ELAVL2: variants seen among roughly 807,000 people sequenced by gnomAD.
ELAVL2 encodes the protein ELAV-like protein 2.
ELAVL2 carries 4 observed loss-of-function variants against 34.6 expected under a neutral mutation model. The ratio of observed to expected loss-of-function variants is 0.12; its 90% CI spans 0.06 to 0.26. The LOEUF is 0.26. Among genes scored for constraint, ELAVL2 ranks in the 10% least tolerant of loss-of-function variants. The pLI, the probability that ELAVL2 is intolerant of heterozygous loss-of-function variation, is 1.00. For synonymous variants in ELAVL2, 193 were observed against 154.8 expected (o/e 1.25, Z -1.83); for missense variants, 432 against 442.8 (o/e 0.98, Z 0.22).
intron 3 of ELAVL2, among the ~76,000 whole-genome samples, chr9:23,716,983 G>A (rs1039934868): frequency 1.3e-5 from 2 of 152,308 alleles, no homozygotes; most frequent in African/African-American, 4.8e-5. Context: ...CTAAATGTTG[G>A]TAAGTATTAT....
At chr9:23,812,827 A>C (rs941071963) in intron 1 of ELAVL2, among the ~76,000 whole-genome samples, 2 of 152,040 alleles carry the variant, frequency 1.3e-5, no homozygotes, top group Non-Finnish European at 2.9e-5. Flanking sequence ...ATTATTCTGA[A>C]GGGTTTTGCT....
intron 1 of ELAVL2, among the ~76,000 whole-genome samples, chr9:23,812,950 T>TAATG (rs1329949136): frequency 6.6e-6 from 1 of 152,088 alleles, no homozygotes; most frequent in African/African-American, 2.4e-5. Flanking sequence ...GAAGCTACAT[T>TAATG]AATGCTGGGT....
chr9:23,766,695 G>A (rs1399751376), intron 1 of ELAVL2, among the ~76,000 whole-genome samples: 2 of 151,932 alleles, frequency 1.3e-5, no homozygotes, highest in Non-Finnish European at 2.9e-5. Flanking sequence ...CTCCGCTTGA[G>A]GCAGACACAT....
intron 2 of ELAVL2, among the ~76,000 whole-genome samples, chr9:23,737,629 A>G (rs3793577): frequency 0.51 from 77,657 of 152,010 alleles, 20,014 homozygotes; most frequent in Non-Finnish European, 0.53. Flanking sequence ...TAAAATGCAG[A>G]GTGAATTCTG....
At chr9:23,745,310 G>C (rs1286363851) in intron 2 of ELAVL2, among the ~76,000 whole-genome samples, 1 of 152,130 alleles carries the variant, frequency 6.6e-6, no homozygotes, top group Non-Finnish European at 1.5e-5. Flanking sequence ...GCCAAATTAA[G>C]ATATTATACA....
intron 1 of ELAVL2, among the ~76,000 whole-genome samples, chr9:23,802,879 T>A (rs1376064099): frequency 2.0e-5 from 3 of 151,546 alleles, no homozygotes; most frequent in Non-Finnish European, 4.4e-5. Flanking sequence ...AAATATTTTT[T>A]AATATGTAAT....
chr9:23,810,929 TG>T, intron 1 of ELAVL2, among the ~76,000 whole-genome samples: 1 of 152,318 alleles, frequency 6.6e-6, no homozygotes, highest in Middle Eastern at 3.4e-3. Flanking sequence ...ATCTTCCTAA[TG>T]GTAAGTCAAC....
chr9:23,833,419 T>A, the ELAVL2 span, among the ~76,000 whole-genome samples: 17,865 of 151,814 alleles, frequency 0.12, 1,460 homozygotes, highest in East Asian at 0.36. Context: ...CTTAAACTGT[T>A]CTTTAATACA....
chr9:23,814,013 T>C (rs537180709), intron 1 of ELAVL2, among the ~76,000 whole-genome samples: 5 of 152,290 alleles, frequency 3.3e-5, no homozygotes, highest in South Asian at 4.1e-4. Flanking sequence ...GTGGACTCCA[T>C]TGTTGTTGCT....
intron 1 of ELAVL2, among the ~76,000 whole-genome samples, chr9:23,816,303 C>G (rs1398392584): frequency 2.4e-5 from 1 of 41,274 alleles, no homozygotes; most frequent in Non-Finnish European, 4.4e-5. Context: ...AAAGTGTGTA[C>G]TAAAAGCTTT....
intron 1 of ELAVL2, among the ~76,000 whole-genome samples, chr9:23,780,581 T>G (rs1212829078): frequency 1.3e-5 from 2 of 152,242 alleles, no homozygotes; most frequent in African/African-American, 4.8e-5. Context: ...TATGTTGGCT[T>G]ATACCAACAT....
intron 1 of ELAVL2, among the ~76,000 whole-genome samples, chr9:23,772,416 A>G (rs1456801272): frequency 1.3e-5 from 2 of 152,074 alleles, no homozygotes; most frequent in East Asian, 3.9e-4. Context: ...CAAATGTTAT[A>G]AAGGCCACAA....
chr9:23,832,025 A>T, the ELAVL2 span, among the ~76,000 whole-genome samples: 1 of 152,182 alleles, frequency 6.6e-6, no homozygotes, highest in Non-Finnish European at 1.5e-5. Context: ...ATTTAAACCA[A>T]TCTGGTATAA....
intron 4 of ELAVL2, among the ~76,000 whole-genome samples, chr9:23,703,979 C>A (rs1443608840): frequency 2.6e-5 from 4 of 152,034 alleles, no homozygotes; most frequent in Non-Finnish European, 5.9e-5. Context: ...ATTGCCCAGG[C>A]TGGAGTGCAA....
intron 3 of ELAVL2, among the ~76,000 whole-genome samples, chr9:23,717,339 G>C (rs955230816): frequency 6.6e-6 from 1 of 152,072 alleles, no homozygotes; most frequent in Non-Finnish European, 1.5e-5. Context: ...ATGTTTCTAC[G>C]AGCAAATTAC....
At chr9:23,700,154 T>A (rs1461450482) in intron 5 of ELAVL2, among the ~76,000 whole-genome samples, 1 of 152,210 alleles carries the variant, frequency 6.6e-6, no homozygotes, top group African/African-American at 2.4e-5. Flanking sequence ...TGTGATTATA[T>A]TTTTGGTAAT....
chr9:23,769,759 A>C (rs1279435028), intron 1 of ELAVL2, among the ~76,000 whole-genome samples: 1 of 152,190 alleles, frequency 6.6e-6, no homozygotes. Context: ...ACGCGTCATA[A>C]GGAGAATGTT....
intron 2 of ELAVL2, chr9:23,735,290 T>A (rs1325348507): frequency 6.6e-6 from 1 of 152,076 alleles, no homozygotes; most frequent in South Asian, 2.1e-4. Context: ...TCTTTCTTCT[T>A]TTGAGGCAAG....
the ELAVL2 span, among the ~76,000 whole-genome samples, chr9:23,847,825 G>A: frequency 2.0e-5 from 3 of 152,080 alleles, no homozygotes; most frequent in African/African-American, 7.2e-5. Flanking sequence ...TAAACTACAT[G>A]CACTATTAAT....
Sources: allele counts gnomAD v4.1 joint callset (sites outside exome capture counted in the v4.1 genomes callset), GRCh38; gene constraint gnomAD v4.1.1; transcripts MANE v1.5; gene names NCBI Gene and HGNC (gene_info 2026-07-23, HGNC 2026-07-21).